Variants in LHFPL3 observed in about 807,000 individuals in gnomAD.
The protein encoded by LHFPL3 is LHFPL tetraspan subfamily member 3.
In LHFPL3, 5 loss-of-function variants were observed where a neutral mutation model predicts 19.3. The observed-to-expected ratio is 0.26, with a 90% CI of 0.14 to 0.54. The LOEUF (loss-of-function observed/expected upper bound fraction) is 0.54. Among genes scored for constraint, LHFPL3 ranks in the 20% least tolerant of loss-of-function variants. The probability of loss-of-function intolerance (pLI) is 0.94; values close to 1 mark genes in which losing one functional copy is unlikely to be tolerated. For missense variants in LHFPL3, 249 were observed against 307.4 expected, an observed-to-expected ratio of 0.81 and a Z score of 1.42; for synonymous variants, 133 against 126.2, an observed-to-expected ratio of 1.05 and a Z score of -0.36.
At chr7:104,449,737 A>G (rs1243766777) in intron 1 of LHFPL3, among the ~76,000 whole-genome samples, 1 of 152,228 alleles carries the variant, frequency 6.6e-6, no homozygotes, top group East Asian at 1.9e-4. Context: ...GTTTGAGACC[A>G]AAGGACATCA....
intron 1 of LHFPL3, among the ~76,000 whole-genome samples, chr7:104,727,474 G>A (rs1793613069): frequency 6.6e-6 from 1 of 151,944 alleles, no homozygotes; most frequent in African/African-American, 2.4e-5. Flanking sequence ...CATTTAAGGT[G>A]GACCAAAGAC....
chr7:104,422,112 G>A (rs1288753138), intron 1 of LHFPL3, among the ~76,000 whole-genome samples: 1 of 152,230 alleles, frequency 6.6e-6, no homozygotes, highest in Non-Finnish European at 1.5e-5. Context: ...TGTAATCCCA[G>A]CACTTTGGGA....
intron 1 of LHFPL3, among the ~76,000 whole-genome samples, chr7:104,553,045 A>T (rs1794691267): frequency 6.6e-6 from 1 of 152,180 alleles, no homozygotes; most frequent in Non-Finnish European, 1.5e-5. Flanking sequence ...GTGCTGCCTC[A>T]TTGATAACAT....
At chr7:104,425,378 T>C (rs1268907618) in intron 1 of LHFPL3, among the ~76,000 whole-genome samples, 1 of 152,050 alleles carries the variant, frequency 6.6e-6, no homozygotes, top group African/African-American at 2.4e-5. Flanking sequence ...TGTTTTCTTA[T>C]CTGCAAAAGT....
chr7:104,616,783 A>G (rs566547187), intron 1 of LHFPL3, among the ~76,000 whole-genome samples: 1 of 152,334 alleles, frequency 6.6e-6, no homozygotes, highest in African/African-American at 2.4e-5. Context: ...CAGAATCTAC[A>G]AGGAACTTAA....
At chr7:104,770,913 C>G (rs1426097909) in intron 2 of LHFPL3, among the ~76,000 whole-genome samples, 1 of 152,214 alleles carries the variant, frequency 6.6e-6, no homozygotes, top group Non-Finnish European at 1.5e-5. Flanking sequence ...CCCGTCATCC[C>G]CTGTAGCATG....
intron 2 of LHFPL3, among the ~76,000 whole-genome samples, chr7:104,819,453 CA>C (rs1322238082): frequency 6.6e-6 from 1 of 151,634 alleles, no homozygotes; most frequent in Non-Finnish European, 1.5e-5. Flanking sequence ...TGTGATTACA[CA>C]CAAAAATTCT....
At chr7:104,660,008 T>TTTG (rs1234202224) in intron 1 of LHFPL3, among the ~76,000 whole-genome samples, 2 of 100,338 alleles carry the variant, frequency 2.0e-5, no homozygotes, top group East Asian at 2.3e-4. Context: ...CAACTCGTTT[T>TTTG]TTTTTTTTTT....
chr7:104,614,958 T>A (rs1791304215), intron 1 of LHFPL3, among the ~76,000 whole-genome samples: 1 of 151,896 alleles, frequency 6.6e-6, no homozygotes, highest in Admixed American at 6.6e-5. Flanking sequence ...TCTCACTGTG[T>A]TGCTCAGAAT....
chr7:104,656,131 T>C (rs907208584), intron 1 of LHFPL3, among the ~76,000 whole-genome samples: 1 of 151,842 alleles, frequency 6.6e-6, no homozygotes, highest in Non-Finnish European at 1.5e-5. Flanking sequence ...TTTTAAAAAA[T>C]TTTTATTCAC....
chr7:104,726,316 G>A (rs974894161), intron 1 of LHFPL3, among the ~76,000 whole-genome samples: 2 of 145,498 alleles, frequency 1.4e-5, no homozygotes, highest in Non-Finnish European at 3.0e-5. Flanking sequence ...CTATGTATAC[G>A]ATGATGGACC....
At chr7:104,529,170 C>T (rs1794245309) in intron 1 of LHFPL3, among the ~76,000 whole-genome samples, 2 of 152,112 alleles carry the variant, frequency 1.3e-5, no homozygotes, top group African/African-American at 4.8e-5. Flanking sequence ...ATCTCTGAAC[C>T]AATGACTATG....
At chr7:104,679,659 A>T (rs1792659082) in intron 1 of LHFPL3, among the ~76,000 whole-genome samples, 1 of 152,236 alleles carries the variant, frequency 6.6e-6, no homozygotes, top group Non-Finnish European at 1.5e-5. Flanking sequence ...GATTTTAGAC[A>T]TACTTTTTCC....
At chr7:104,436,484 A>C (rs541281147) in intron 1 of LHFPL3, among the ~76,000 whole-genome samples, 1 of 152,332 alleles carries the variant, frequency 6.6e-6, no homozygotes, top group South Asian at 2.1e-4. Context: ...TTTTGATAGC[A>C]TATCCCATCA....
At chr7:104,880,246 C>A (rs1180970296) in intron 2 of LHFPL3, among the ~76,000 whole-genome samples, 1 of 152,012 alleles carries the variant, frequency 6.6e-6, no homozygotes. Context: ...CACATGAGAT[C>A]TGGTTGTTTA....
intron 2 of LHFPL3, among the ~76,000 whole-genome samples, chr7:104,851,258 A>G (rs1018397368): frequency 2.6e-5 from 4 of 152,214 alleles, no homozygotes; most frequent in Non-Finnish European, 5.9e-5. Context: ...AATTAGTGAG[A>G]GAAAAGAAAG....
At chr7:104,482,885 T>C (rs949275493) in intron 1 of LHFPL3, among the ~76,000 whole-genome samples, 7 of 152,224 alleles carry the variant, frequency 4.6e-5, no homozygotes, top group Non-Finnish European at 8.8e-5. Flanking sequence ...GCATAATTCC[T>C]CACAAGGCCA....
intron 1 of LHFPL3, among the ~76,000 whole-genome samples, chr7:104,598,377 C>G (rs1463152439): frequency 2.0e-5 from 3 of 152,184 alleles, no homozygotes; most frequent in Non-Finnish European, 4.4e-5. Context: ...CATGTGGAAT[C>G]AAGATCCTGA....
intron 1 of LHFPL3, among the ~76,000 whole-genome samples, chr7:104,724,833 C>T (rs904258501): frequency 1.3e-5 from 2 of 152,184 alleles, no homozygotes; most frequent in Non-Finnish European, 2.9e-5. Context: ...CCCGTACACA[C>T]TACAGTGCCC....
Sources: gnomAD v4.1 joint callset for allele counts (sites outside exome capture counted in the v4.1 genomes callset) on GRCh38, gnomAD v4.1.1 for gene constraint, MANE v1.5 for transcripts, NCBI Gene and HGNC (gene_info 2026-07-23, HGNC 2026-07-21) for gene names.